CEP112: variants seen among roughly 807,000 people sequenced by gnomAD.
CEP112 encodes centrosomal protein of 112 kDa.
Under a neutral mutation model 153.0 loss-of-function variants are expected in CEP112, and 127 were observed. The ratio of observed to expected loss-of-function variants is 0.83; its 90% CI spans 0.72 to 0.96. The LOEUF is 0.96. CEP112 is among the 40% of genes least tolerant of loss of function. The probability of loss-of-function intolerance (pLI) is 0.00; values close to 1 mark genes in which losing one functional copy is unlikely to be tolerated. For missense variants in CEP112, 1,089 were observed against 1,101.2 expected (o/e 0.99, Z 0.16); for synonymous variants, 358 against 374.4 (o/e 0.96, Z 0.51).
intron 16 of CEP112, among the ~76,000 whole-genome samples, chr17:66,014,695 CA>C (rs754548835): frequency 2.0e-5 from 3 of 152,160 alleles, no homozygotes; most frequent in Non-Finnish European, 4.4e-5. Context: ...ACCCATTCCC[CA>C]GGAGACATTA....
At chr17:65,909,275 C>T (rs2060194628) in intron 19 of CEP112, among the ~76,000 whole-genome samples, 1 of 152,072 alleles carries the variant, frequency 6.6e-6, no homozygotes, top group South Asian at 2.1e-4. Context: ...TTCTACATAG[C>T]CCTGGTGTAA....
intron 21 of CEP112, among the ~76,000 whole-genome samples, chr17:65,758,850 C>T (rs1283843299): frequency 6.6e-6 from 1 of 152,098 alleles, no homozygotes; most frequent in East Asian, 1.9e-4. Context: ...CTATTTGAAC[C>T]TTCTTGGAAC....
At chr17:65,824,662 G>A (rs970948367) in intron 21 of CEP112, among the ~76,000 whole-genome samples, 1 of 152,318 alleles carries the variant, frequency 6.6e-6, no homozygotes, top group Admixed American at 6.5e-5. Flanking sequence ...AGTCTTCCAG[G>A]CAGAGGGGAA....
intron 23 of CEP112, among the ~76,000 whole-genome samples, chr17:65,693,226 C>T (rs528042377): frequency 2.0e-5 from 3 of 152,066 alleles, no homozygotes; most frequent in African/African-American, 7.2e-5. Context: ...GTGCTACACT[C>T]GGCGTCCCAC....
At chr17:65,796,608 C>G (rs2054926319) in intron 21 of CEP112, among the ~76,000 whole-genome samples, 2 of 152,016 alleles carry the variant, frequency 1.3e-5, no homozygotes, top group South Asian at 4.1e-4. Context: ...TCTGATTGAC[C>G]CTGACTCTAA....
At chr17:65,951,740 C>CGCA (rs1177754827) in intron 18 of CEP112, among the ~76,000 whole-genome samples, 2 of 106,352 alleles carry the variant, frequency 1.9e-5, no homozygotes, top group African/African-American at 3.1e-5. Flanking sequence ...CTAATCTTCC[C>CGCA]CCGCCCCCCC....
chr17:65,813,278 C>A (rs1239840941), intron 21 of CEP112, among the ~76,000 whole-genome samples: 1 of 152,042 alleles, frequency 6.6e-6, no homozygotes, highest in East Asian at 1.9e-4. Flanking sequence ...CAGTCAAGTA[C>A]CAAATACTCA....
chr17:65,908,802 C>T (rs762500691), intron 19 of CEP112, among the ~76,000 whole-genome samples: 7 of 152,154 alleles, frequency 4.6e-5, no homozygotes, highest in Non-Finnish European at 7.4e-5. Context: ...TTCCTAAAAG[C>T]ATCGGCCTCC....
chr17:66,031,258 T>C (rs1309310217), intron 12 of CEP112, among the ~76,000 whole-genome samples: 1 of 152,174 alleles, frequency 6.6e-6, no homozygotes, highest in Non-Finnish European at 1.5e-5. Context: ...ACAAAGAACA[T>C]ATACTTTGCC....
At chr17:65,874,668 G>A (rs1250119024) in intron 20 of CEP112, among the ~76,000 whole-genome samples, 1 of 151,984 alleles carries the variant, frequency 6.6e-6, no homozygotes, top group African/African-American at 2.4e-5. Context: ...GATTTATTAT[G>A]AAAATTTTGA....
chr17:65,922,826 T>C (rs943300403), intron 19 of CEP112, among the ~76,000 whole-genome samples: 6 of 152,244 alleles, frequency 3.9e-5, no homozygotes, highest in Non-Finnish European at 5.9e-5. Context: ...TTTGTAACTA[T>C]AGCATAATAA....
intron 24 of CEP112, among the ~76,000 whole-genome samples, chr17:65,648,430 T>C (rs935324630): frequency 2.0e-5 from 3 of 152,222 alleles, no homozygotes; most frequent in Non-Finnish European, 2.9e-5. Context: ...TCCATGGCAA[T>C]AGACTGCCCA....
At chr17:65,647,428 C>A (rs899405387) in intron 24 of CEP112, among the ~76,000 whole-genome samples, 2 of 151,012 alleles carry the variant, frequency 1.3e-5, no homozygotes, top group African/African-American at 4.9e-5. Context: ...CCACCTTGGC[C>A]TCCCAAAGTA....
At chr17:65,919,743 C>G (rs1386408788) in intron 19 of CEP112, among the ~76,000 whole-genome samples, 1 of 152,178 alleles carries the variant, frequency 6.6e-6, no homozygotes, top group African/African-American at 2.4e-5. Flanking sequence ...CCGCAACCCA[C>G]TCACACTGGA....
chr17:65,905,483 C>A (rs2060036440), intron 19 of CEP112, among the ~76,000 whole-genome samples: 2 of 152,230 alleles, frequency 1.3e-5, no homozygotes, highest in Non-Finnish European at 2.9e-5. Flanking sequence ...GAAACAGGAA[C>A]ACTTTTACAC....
chr17:66,188,398 C>G (rs746207356), intron 1 of CEP112, among the ~76,000 whole-genome samples: 17 of 116,148 alleles, frequency 1.5e-4, no homozygotes, highest in Non-Finnish European at 2.8e-4. Context: ...CATGGTCAAA[C>G]CCCCCCCCAC....
intron 21 of CEP112, among the ~76,000 whole-genome samples, chr17:65,801,464 G>A (rs866888395): frequency 6.6e-6 from 1 of 152,090 alleles, no homozygotes; most frequent in Non-Finnish European, 1.5e-5. Flanking sequence ...CTTTTGTTGT[G>A]ATATTTAAGA....
At chr17:65,777,764 A>G (rs1217167985) in intron 21 of CEP112, among the ~76,000 whole-genome samples, 3 of 152,114 alleles carry the variant, frequency 2.0e-5, no homozygotes, top group Admixed American at 6.6e-5. Flanking sequence ...AATTTTTTAC[A>G]TATATCCTAT....
chr17:66,097,676 C>T (rs1267294518), intron 6 of CEP112, among the ~76,000 whole-genome samples: 1 of 152,106 alleles, frequency 6.6e-6, no homozygotes, highest in Non-Finnish European at 1.5e-5. Context: ...GACATCTTCT[C>T]AGTTTTGTAT....
Sources: gnomAD v4.1 joint callset for allele counts (sites outside exome capture counted in the v4.1 genomes callset) on GRCh38, gnomAD v4.1.1 for gene constraint, MANE v1.5 for transcripts, NCBI Gene and HGNC (gene_info 2026-07-23, HGNC 2026-07-21) for gene names.